Variants in KIAA0586 observed in about 807,000 individuals in gnomAD.
KIAA0586 encodes the protein KIAA0586.
A neutral mutation model predicts 169.8 loss-of-function variants in KIAA0586; 144 were observed. The observed-to-expected ratio is 0.85, with a 90% CI of 0.74 to 0.97. KIAA0586 has a LOEUF of 0.97. KIAA0586 is among the 50% of genes least tolerant of loss of function. KIAA0586 has a pLI of 0.00. For synonymous variants in KIAA0586, 625 were observed against 612.4 expected (o/e 1.02, Z -0.30); for missense variants, 1,854 against 1,823.0 (o/e 1.02, Z -0.31).
intron 29 of KIAA0586, among the ~76,000 whole-genome samples, chr14:58,536,154 A>C (rs1482456998): frequency 6.6e-6 from 1 of 152,106 alleles, no homozygotes; most frequent in Non-Finnish European, 1.5e-5. Context: ...TTGGGGGTAC[A>C]TGTGCATGTT....
At chr14:58,443,327 G>A (rs1306650193) in intron 5 of KIAA0586, among the ~76,000 whole-genome samples, 1 of 152,222 alleles carries the variant, frequency 6.6e-6, no homozygotes, top group East Asian at 1.9e-4. Context: ...ACCTAACTCA[G>A]CCTTATGTTA....
chr14:58,498,813 G>A lies in KIAA0586; in HGVS notation c.4021G>A (p.Glu1341Lys). ...DLENSVGELSEGQRPQLTAAA... is the reference protein window; with the variant it reads ...DLENSVGELSKGQRPQLTAAA... ...GGAAAACAGTGTGGGTGAACTTAGT[G>A]AAGGACAAAGACCCCAGCTAACAGC... is the stretch of plus-strand genomic sequence containing the variant. Residue 1341 changes from glutamate (E) to lysine (K), a missense_variant, in exon 27 of 31, where the codon GAA (glutamate) becomes AAA (lysine). Glu to Lys is a moderately conservative substitution (Grantham distance 56). Transcript: ENST00000652326. The A allele has an allele frequency of 6.2e-7, 1 of 1,608,252 alleles. No homozygotes were observed. Among genetic ancestry groups the A allele is most frequent in the Non-Finnish European group, 8.5e-7 (1 of 1,177,770 alleles).
chr14:58,432,371 G>C lies in KIAA0586; in HGVS notation c.341-17G>C. 2 of 1,426,174 alleles carry C rather than the reference G, an allele frequency of 1.4e-6. No homozygotes were observed. Among genetic ancestry groups the C allele is most frequent in the Admixed American group, 2.3e-5 (1 of 44,174 alleles). 88.3% of individuals were successfully genotyped at this position (1,426,174 alleles called of 1,614,324 possible). On this transcript the variant is annotated splice_polypyrimidine_tract_variant and intron_variant, in intron 3 of 30. Coordinates refer to ENST00000652326, the MANE Select transcript of KIAA0586 (RefSeq NM_001329943.3). Reference sequence around the variant, plus strand: ...ATTCAGGAATTTAATATATATTTTTGTGTCTTGATTTTGCAGCAAATGACA... The same window carrying C: ...ATTCAGGAATTTAATATATATTTTTCTGTCTTGATTTTGCAGCAAATGACA...
intron 9 of KIAA0586, among the ~76,000 whole-genome samples, chr14:58,454,861 T>C (rs1021241348): frequency 6.6e-6 from 1 of 152,216 alleles, no homozygotes; most frequent in African/African-American, 2.4e-5. Context: ...ATAATTTTGC[T>C]ACATACAGAA....
At chr14:58,448,613 AG>A in intron 7 of KIAA0586, 120 bp downstream of exon 7, 1 of 624,606 alleles carries the variant, frequency 1.6e-6, no homozygotes. Context: ...ATTTATTTAT[AG>A]GAGTTTTTGT....
intron 9 of KIAA0586, among the ~76,000 whole-genome samples, chr14:58,453,925 G>A (rs1359996714): frequency 6.6e-6 from 1 of 152,086 alleles, no homozygotes; most frequent in African/African-American, 2.4e-5. Flanking sequence ...TCTGGGCCAT[G>A]ATAATTATAT....
chr14:58,480,938 C>G (rs996838753), intron 20 of KIAA0586, among the ~76,000 whole-genome samples: 1 of 152,086 alleles, frequency 6.6e-6, no homozygotes, highest in Non-Finnish European at 1.5e-5. Context: ...TCTTCCCTGT[C>G]AAAGATTTGT....
At chr14:58,523,719 A>ATATTATTATTATTATTATTATTAT (rs542449532) in intron 29 of KIAA0586, among the ~76,000 whole-genome samples, 92 of 149,038 alleles carry the variant, frequency 6.2e-4, no homozygotes, top group African/African-American at 2.1e-3. Flanking sequence ...TTTTAATTGA[A>ATATTATTATTATTATTATTATTAT]TATTATTATT....
chr14:58,489,393 TA>T (rs2141210187), intron 24 of KIAA0586, among the ~76,000 whole-genome samples: 1 of 152,108 alleles, frequency 6.6e-6, no homozygotes, highest in South Asian at 2.1e-4. Flanking sequence ...CTAACTTTTA[TA>T]TTTTTTGTAG....
chr14:58,456,639 T>A, intron 9 of KIAA0586, 63 bp from the exon 10 acceptor site: 2 of 843,660 alleles, frequency 2.4e-6, no homozygotes, highest in Non-Finnish European at 3.9e-6. Context: ...TTACTGAATT[T>A]ACAACAATTT....
intron 21 of KIAA0586, among the ~76,000 whole-genome samples, chr14:58,484,922 A>T (rs867766991): frequency 1.4e-3 from 28 of 19,790 alleles, no homozygotes; most frequent in African/African-American, 5.5e-3. Context: ...ATATATATAT[A>T]TATTTTTTTT....
intron 27 of KIAA0586, among the ~76,000 whole-genome samples, chr14:58,504,088 G>T (rs2043768732): frequency 6.6e-6 from 1 of 152,166 alleles, no homozygotes; most frequent in Non-Finnish European, 1.5e-5. Flanking sequence ...GTTAAAGATT[G>T]TAAGTAAATG....
intron 16 of KIAA0586, among the ~76,000 whole-genome samples, chr14:58,469,939 G>A (rs1050429944): frequency 6.6e-6 from 1 of 152,004 alleles, no homozygotes; most frequent in Non-Finnish European, 1.5e-5. Context: ...TGTTTTTGAT[G>A]ATGTAAATAG....
At chr14:58,468,249 T>C (rs1350113583) in intron 16 of KIAA0586, among the ~76,000 whole-genome samples, 4 of 151,968 alleles carry the variant, frequency 2.6e-5, no homozygotes, top group African/African-American at 9.7e-5. Context: ...TGGGGTTTCA[T>C]ATGTTGGCCA....
In KIAA0586 at chr14:58,437,844, T is replaced by C. The variant is rs374372978; in HGVS notation, c.411-4862T>C. 2.6e-5 allele frequency among the ~76,000 whole-genome samples: 4 copies of C among 151,976 alleles called. 1 individual carries two copies. Reference sequence around the variant, plus strand: ...TAGTTGAAGTGATTCAATGAGGTTATGATAGTGAAAGAGAGATGGCTAGGG... The same window carrying C: ...TAGTTGAAGTGATTCAATGAGGTTACGATAGTGAAAGAGAGATGGCTAGGG... On this transcript the variant is annotated intron_variant, in intron 4 of 30. Coordinates refer to ENST00000652326, the MANE Select transcript of KIAA0586 (RefSeq NM_001329943.3).
At position 58,492,223 on chromosome 14, in the gene KIAA0586, C is replaced by A. The variant is rs778142278; in HGVS notation, c.3938C>A (p.Ala1313Asp). 3.2e-6 allele frequency: 5 copies of A among 1,550,786 alleles called. No individual in the cohort carries two copies. Among genetic ancestry groups the A allele is most frequent in the Non-Finnish European group, 3.5e-6 (4 of 1,146,590 alleles). ...CATGCAGATGCAATTCTTTCTTTTG[C>A]TAAACAAAACCAGGAGTCAGCAGTT... ...KFHADAILSF[A>D]KQNQESAVSQ... The change falls in exon 26 of 31, where the codon GCT becomes GAT. Residue 1313 changes from alanine (A) to aspartate (D), a missense_variant. Transcript: ENST00000652326.
At chr14:58,522,024 C>G in intron 29 of KIAA0586, 2 of 1,189,620 alleles carry the variant, frequency 1.7e-6, no homozygotes, top group South Asian at 1.2e-5. Context: ...CTTATCCCAT[C>G]ATTTCTTTAC....
chr14:58,478,021 G>T (rs1219250974), intron 20 of KIAA0586, among the ~76,000 whole-genome samples: 1 of 151,914 alleles, frequency 6.6e-6, no homozygotes, highest in Non-Finnish European at 1.5e-5. Flanking sequence ...TTGTTTGTTT[G>T]TTTTAATTAG....
intron 29 of KIAA0586, among the ~76,000 whole-genome samples, chr14:58,526,616 A>C (rs2045601432): frequency 6.6e-6 from 1 of 152,224 alleles, no homozygotes; most frequent in African/African-American, 2.4e-5. Flanking sequence ...CAGTGCAAAA[A>C]GCCTGAAAAT....
Sources: gnomAD v4.1 joint callset for allele counts (sites outside exome capture counted in the v4.1 genomes callset) on GRCh38, gnomAD v4.1.1 for gene constraint, MANE v1.5 for transcripts, NCBI Gene and HGNC (gene_info 2026-07-23, HGNC 2026-07-21) for gene names.